The following AFF3 variants were observed in gnomAD, a reference collection of about 807,000 sequenced individuals.
The protein encoded by AFF3 is ALF transcription elongation factor 3, also known as AF4/FMR2 family member 3.
Under a neutral mutation model 129.7 loss-of-function variants are expected in AFF3, and 32 were observed. That is an observed-to-expected ratio of 0.25 (90% CI 0.19 to 0.33). The LOEUF (loss-of-function observed/expected upper bound fraction) is 0.33, where lower values mean the gene tolerates loss of function less well. Ranked by LOEUF, AFF3 falls within the 10% of genes least tolerant of loss-of-function variation. The pLI, the probability that AFF3 is intolerant of heterozygous loss-of-function variation, is 1.00. For synonymous variants in AFF3, 644 were observed against 635.4 expected (o/e 1.01, Z -0.20); for missense variants, 1,373 against 1,592.0 (o/e 0.86, Z 2.34).
rs1441846959 is a variant in AFF3 at position 100,006,642 on chromosome 2, T to C, written c.863A>G (p.Lys288Arg). The C allele has an allele frequency of 2.5e-6, 4 of 1,606,226 alleles. No individual in the cohort carries two copies. Among genetic ancestry groups the C allele is most frequent in the East Asian group, 2.2e-5 (1 of 44,674 alleles). The part of the protein sequence containing the change: ...KAKLSKFSIP[K>R]QGEESRSGET... The stretch of plus-strand genomic sequence containing the variant: ...CTGATAAAGACTCACCTCCCCCTGC[T>C]TGGGGATGCTGAACTTGGAGAGCTT... Residue 288 changes from lysine to arginine, a missense_variant, in exon 7 of 25, where the codon AAG becomes AGG. Coordinates refer to ENST00000672756, the MANE Select transcript of AFF3 (RefSeq NM_001386135.1).
intron 10 of AFF3, among the ~76,000 whole-genome samples, chr2:99,728,268 T>C (rs1259142966): frequency 6.6e-6 from 1 of 152,200 alleles, no homozygotes; most frequent in Non-Finnish European, 1.5e-5. Context: ...TGTTTCCTGA[T>C]GGTTGTGCAG....
At chr2:99,716,796 T>A (rs1465772119) in intron 11 of AFF3, among the ~76,000 whole-genome samples, 1 of 151,768 alleles carries the variant, frequency 6.6e-6, no homozygotes, top group Admixed American at 6.6e-5. Flanking sequence ...GGCAGGAGAA[T>A]CGTTTGAACC....
intron 7 of AFF3, among the ~76,000 whole-genome samples, chr2:99,846,619 C>CT (rs1391558145): frequency 6.6e-6 from 1 of 152,234 alleles, no homozygotes; most frequent in African/African-American, 2.4e-5. Flanking sequence ...AAACTAACCA[C>CT]TTAAAGATCC....
intron 10 of AFF3, among the ~76,000 whole-genome samples, chr2:99,730,904 GCTTA>G (rs752108222): frequency 7.2e-5 from 11 of 152,098 alleles, no homozygotes; most frequent in Non-Finnish European, 5.9e-5. Context: ...TAATGACTTT[GCTTA>G]CTTTTATTTT....
At chr2:99,604,412 A>G (rs1680135110) in intron 13 of AFF3, among the ~76,000 whole-genome samples, 1 of 152,182 alleles carries the variant, frequency 6.6e-6, no homozygotes, top group Admixed American at 6.6e-5. Context: ...TATAAGTGGG[A>G]GCTAAATGAT....
intron 11 of AFF3, among the ~76,000 whole-genome samples, chr2:99,696,819 T>C (rs1297089590): frequency 6.6e-6 from 1 of 151,874 alleles, no homozygotes; most frequent in Non-Finnish European, 1.5e-5. Context: ...AATTTTAAAA[T>C]TTTTTTTGTA....
chr2:99,875,420 C>T (rs538534226), intron 7 of AFF3, among the ~76,000 whole-genome samples: 4 of 152,206 alleles, frequency 2.6e-5, no homozygotes, highest in Non-Finnish European at 4.4e-5. Context: ...ATTTATCTTT[C>T]AAATAATATT....
At chr2:99,679,997 TG>T (rs1674373120) in intron 11 of AFF3, among the ~76,000 whole-genome samples, 1 of 152,250 alleles carries the variant, frequency 6.6e-6, no homozygotes, top group Admixed American at 6.5e-5. Context: ...CACTGTTTAC[TG>T]GGAGCAGCAG....
At chr2:100,097,458 TA>T (rs1440319490) in intron 4 of AFF3, among the ~76,000 whole-genome samples, 6 of 72,146 alleles carry the variant, frequency 8.3e-5, no homozygotes, top group Non-Finnish European at 1.6e-4. Flanking sequence ...ACATCACTGT[TA>T]AATGCTCTCA....
At chr2:99,821,282 C>T (rs986096997) in intron 8 of AFF3, among the ~76,000 whole-genome samples, 3 of 152,086 alleles carry the variant, frequency 2.0e-5, no homozygotes, top group Non-Finnish European at 2.9e-5. Flanking sequence ...GAAGGATCTG[C>T]CTGAGGCTGT....
chr2:100,047,272 A>C (rs1685913832), intron 4 of AFF3, among the ~76,000 whole-genome samples: 1 of 152,208 alleles, frequency 6.6e-6, no homozygotes, highest in Non-Finnish European at 1.5e-5. Context: ...CTTTATTTAA[A>C]ACACTGAACT....
At chr2:99,923,256 G>T (rs371723733) in intron 7 of AFF3, among the ~76,000 whole-genome samples, 86 of 152,258 alleles carry the variant, frequency 5.6e-4, no homozygotes, top group African/African-American at 2.0e-3. Flanking sequence ...AGACCATACT[G>T]CTCAAAGTTC....
intron 8 of AFF3, among the ~76,000 whole-genome samples, chr2:99,821,769 G>C (rs1412768084): frequency 6.6e-6 from 1 of 152,162 alleles, no homozygotes; most frequent in African/African-American, 2.4e-5. Flanking sequence ...CTTGTGCTAT[G>C]ACCTCGTGAT....
intron 4 of AFF3, among the ~76,000 whole-genome samples, chr2:100,033,939 T>C (rs968946381): frequency 6.6e-6 from 1 of 152,200 alleles, no homozygotes; most frequent in African/African-American, 2.4e-5. Context: ...TACACCACAG[T>C]ACATAAATCA....
chr2:99,742,185 G>GTC (rs1680774718), intron 10 of AFF3, among the ~76,000 whole-genome samples: 1 of 151,990 alleles, frequency 6.6e-6, no homozygotes, highest in South Asian at 2.1e-4. Context: ...GTGAAATGCT[G>GTC]TCTATAAGAA....
intron 4 of AFF3, among the ~76,000 whole-genome samples, chr2:100,030,066 A>AAATAATAATAATAAT (rs70940193): frequency 1.6e-4 from 24 of 147,816 alleles, no homozygotes; most frequent in African/African-American, 5.5e-4. Flanking sequence ...GACTGTCTCA[A>AAATAATAATAATAAT]AATAATAATA....
At chr2:99,997,052 C>T (rs1293559724) in intron 7 of AFF3, among the ~76,000 whole-genome samples, 1 of 152,096 alleles carries the variant, frequency 6.6e-6, no homozygotes, top group Non-Finnish European at 1.5e-5. Context: ...AGGGATACAC[C>T]ACAGGTCAGC....
intron 12 of AFF3, among the ~76,000 whole-genome samples, chr2:99,652,848 T>C (rs1685393804): frequency 6.6e-6 from 1 of 152,172 alleles, no homozygotes; most frequent in South Asian, 2.1e-4. Context: ...TGGTATTCCA[T>C]TGTCATAGGA....
At chr2:100,028,728 A>G (rs1028284886) in intron 4 of AFF3, among the ~76,000 whole-genome samples, 2 of 152,154 alleles carry the variant, frequency 1.3e-5, no homozygotes, top group Non-Finnish European at 2.9e-5. Flanking sequence ...TATACCTATT[A>G]GGATGGCTAC....
Sources: allele counts gnomAD v4.1 joint callset (sites outside exome capture counted in the v4.1 genomes callset), GRCh38; gene constraint gnomAD v4.1.1; transcripts MANE v1.5; gene names NCBI Gene and HGNC (gene_info 2026-07-23, HGNC 2026-07-21).